The following PPP1R37 variants were observed in gnomAD, a reference collection of about 807,000 sequenced individuals.
The protein encoded by PPP1R37 is protein phosphatase 1 regulatory subunit 37, also known as leucine rich repeat containing 68.
In PPP1R37, 21 loss-of-function variants were observed where a neutral mutation model predicts 61.0. The ratio of observed to expected loss-of-function variants is 0.34; its 90% confidence interval spans 0.24 to 0.50. The LOEUF (loss-of-function observed/expected upper bound fraction) is 0.50. Ranked by LOEUF, PPP1R37 falls within the 20% of genes least tolerant of loss-of-function variation. The pLI is 0.98. For missense variants in PPP1R37, 910 were observed against 952.7 expected (o/e 0.96, Z 0.59); for synonymous variants, 443 against 433.5 (o/e 1.02, Z -0.27).
chr19:45,122,875 TTGACCCCTCCAGCCTCCTTGC>T (rs1362209970), intron 1 of PPP1R37, among the ~76,000 whole-genome samples: 5 of 152,164 alleles, frequency 3.3e-5, no homozygotes, highest in Non-Finnish European at 7.4e-5. Flanking sequence ...AAGCAGGACC[TTGACCCCTCCAGCCTCCTTGC>T]TGACCCCTCT....
intron 1 of PPP1R37, among the ~76,000 whole-genome samples, chr19:45,100,474 C>G (rs1968048291): frequency 6.6e-6 from 1 of 152,122 alleles, no homozygotes; most frequent in Admixed American, 6.5e-5. Flanking sequence ...ACAGCCACCC[C>G]AGGAGGTAGG....
intron 1 of PPP1R37, among the ~76,000 whole-genome samples, chr19:45,107,922 G>A (rs553869022): frequency 3.3e-5 from 5 of 152,270 alleles, no homozygotes; most frequent in Non-Finnish European, 5.9e-5. Context: ...AGCCATTTCC[G>A]CATTGCTGAG....
intron 8 of PPP1R37, 138 bp from the exon 9 acceptor site, chr19:45,144,716 C>T: frequency 2.8e-6 from 2 of 708,834 alleles, no homozygotes; most frequent in Non-Finnish European, 4.5e-6. Flanking sequence ...GGCAGGACGG[C>T]GCCGGTGTTC....
At chr19:45,141,580 C>T (rs887821955) in intron 5 of PPP1R37, 139 bp downstream of exon 5, 2 of 1,177,510 alleles carry the variant, frequency 1.7e-6, no homozygotes, top group South Asian at 1.6e-5. Context: ...GCCTGGCCCT[C>T]AGGCCAGGAG....
At chr19:45,110,738 G>A (rs896855695) in intron 1 of PPP1R37, among the ~76,000 whole-genome samples, 16 of 152,192 alleles carry the variant, frequency 1.1e-4, no homozygotes, top group Admixed American at 2.0e-4. Flanking sequence ...TGTTATGAAG[G>A]AGGAAGGTGA....
Position 45,121,002 on chromosome 19 carries a change from G to A in PPP1R37, c.203-17512G>A, listed in dbSNP as rs570435106. ...GTCAGGTCCTTTCTCATCTCTAAGCGTCCCCTGGAAAGTTGGGGAGATAAT... is the reference window on the plus strand; with the variant it reads ...GTCAGGTCCTTTCTCATCTCTAAGCATCCCCTGGAAAGTTGGGGAGATAAT... On this transcript the variant is annotated intron_variant, in intron 1 of 12. Coordinates refer to ENST00000221462, the MANE Select transcript of PPP1R37 (RefSeq NM_019121.2). This position sits in a 1 kb window ranked among gnomAD's most constrained non-coding sequence, Gnocchi z 4.2. Among the ~76,000 whole-genome samples the A allele has an allele frequency of 3.3e-5, 5 of 152,276 alleles. No individual in the cohort carries two copies. The highest frequency in any genetic ancestry group is 6.5e-5 in the Admixed American group (1 of 15,298).
intron 1 of PPP1R37, among the ~76,000 whole-genome samples, chr19:45,118,781 G>A (rs986213209): frequency 2.6e-5 from 4 of 152,024 alleles, no homozygotes; most frequent in African/African-American, 9.7e-5. Context: ...TTTAGCCCAC[G>A]TTCACTGAGC....
chr19:45,144,713 C>G (rs1385450061), intron 8 of PPP1R37, 141 bp from the exon 9 acceptor site: 1 of 693,954 alleles, frequency 1.4e-6, no homozygotes, highest in Non-Finnish European at 2.3e-6. Flanking sequence ...CAGGGCAGGA[C>G]GGCGCCGGTG....
At chr19:45,127,397 G>T (rs1292695464) in intron 1 of PPP1R37, among the ~76,000 whole-genome samples, 3 of 147,614 alleles carry the variant, frequency 2.0e-5, no homozygotes, top group African/African-American at 7.5e-5. Flanking sequence ...CATGCCTACT[G>T]CACACCTGGG....
chr19:45,134,423 G>A (rs932022602), intron 1 of PPP1R37, among the ~76,000 whole-genome samples: 1 of 152,112 alleles, frequency 6.6e-6, no homozygotes, highest in Non-Finnish European at 1.5e-5. Context: ...TGCTGTCAGC[G>A]CGAACTTCCT....
Position 45,121,732 on chromosome 19 carries a change from C to G in PPP1R37, c.203-16782C>G, listed in dbSNP as rs1023502500. ...GGGGTGCTGGGGCCTCCACGGGCGT[C>G]ATTCTGTGGTTGCTCCAGGATTGGA... On this transcript the variant is annotated intron_variant, in intron 1 of 12. Coordinates refer to ENST00000221462, the MANE Select transcript of PPP1R37 (RefSeq NM_019121.2). The surrounding 1 kb of genome is among the most constrained non-coding windows in gnomAD (Gnocchi z 4.2). Among the ~76,000 whole-genome samples the G allele has an allele frequency of 6.6e-6, 1 of 152,228 alleles. No homozygotes were observed. Among genetic ancestry groups the G allele is most frequent in the Non-Finnish European group, 1.5e-5 (1 of 68,032 alleles).
Position 45,093,534 on chromosome 19 carries a change from A to C in PPP1R37, c.202+7A>C. On this transcript the variant is annotated splice_region_variant and intron_variant, in intron 1 of 12. Coordinates refer to ENST00000221462, the MANE Select transcript of PPP1R37 (RefSeq NM_019121.2). ...AAAGACCCCTGGAGACATGGTAGCT[A>C]CCGCGGGTGAAGCGGGGGCGGGCTC... is the stretch of plus-strand genomic sequence containing the variant. 1 of 1,528,650 alleles carries C rather than the reference A, an allele frequency of 6.5e-7. No individual in the cohort carries two copies. Among genetic ancestry groups the C allele is most frequent in the Non-Finnish European group, 8.8e-7 (1 of 1,141,836 alleles). 94.7% of individuals were successfully genotyped at this position (1,528,650 alleles called of 1,614,324 possible).
rs2122730888 is a variant in PPP1R37, at chr19:45,121,158, T to A, written c.203-17356T>A. Among the ~76,000 whole-genome samples the A allele has an allele frequency of 6.6e-6, 1 of 152,362 alleles. No individual in the cohort carries two copies. The highest frequency in any genetic ancestry group is 1.5e-5 in the Non-Finnish European group (1 of 68,038). On this transcript the variant is annotated intron_variant, in intron 1 of 12. Transcript: ENST00000221462. The surrounding 1 kb of genome is among the most constrained non-coding windows in gnomAD (Gnocchi z 4.2). ...GAAGGGCCCCAAGCAGTGTTTGTTC[T>A]CTTCCCCCATGCCTCTCTGCTGAGT...
chr19:45,140,453 C>T, intron 3 of PPP1R37, 53 bp from the exon 4 acceptor site: 2 of 1,445,526 alleles, frequency 1.4e-6, no homozygotes, highest in Non-Finnish European at 1.9e-6. Context: ...GCCCTTCCAG[C>T]CATGCAAAGG....
intron 1 of PPP1R37, among the ~76,000 whole-genome samples, chr19:45,132,954 G>A (rs532283971): frequency 2.0e-5 from 3 of 152,344 alleles, no homozygotes; most frequent in Non-Finnish European, 4.4e-5. Flanking sequence ...GACCCTGGGA[G>A]TTAGTTACAC....
intron 1 of PPP1R37, among the ~76,000 whole-genome samples, chr19:45,104,120 C>CT: frequency 6.6e-6 from 1 of 152,224 alleles, no homozygotes. Flanking sequence ...CGATAGTCCC[C>CT]TGCCCTTCCT....
At chr19:45,107,479 C>T (rs1170955943) in intron 1 of PPP1R37, among the ~76,000 whole-genome samples, 2 of 152,060 alleles carry the variant, frequency 1.3e-5, no homozygotes, top group Admixed American at 6.6e-5. Flanking sequence ...TGGCTCATGC[C>T]TGTAGTCCCA....
chr19:45,111,638 A>G (rs935213698), intron 1 of PPP1R37, among the ~76,000 whole-genome samples: 1 of 152,212 alleles, frequency 6.6e-6, no homozygotes, highest in African/African-American at 2.4e-5. Context: ...GAAGTGTAAT[A>G]TGTTGAAGAC....
chr19:45,094,294 A>G (rs1020841628), intron 1 of PPP1R37, among the ~76,000 whole-genome samples: 4 of 152,078 alleles, frequency 2.6e-5, no homozygotes, highest in African/African-American at 7.2e-5. Flanking sequence ...GCAATGTGGT[A>G]TTAAGAAGAA....
Sources: gnomAD v4.1 joint callset for allele counts (sites outside exome capture counted in the v4.1 genomes callset) on GRCh38, gnomAD v4.1.1 for gene constraint, Gnocchi (gnomAD v3.1) non-coding constraint, MANE v1.5 for transcripts, NCBI Gene and HGNC (gene_info 2026-07-23, HGNC 2026-07-21) for gene names.